Variants in ZNF654 observed in about 807,000 individuals in gnomAD.
The protein encoded by ZNF654 is melanoma-associated antigen.
In ZNF654, 19 loss-of-function variants were observed where a neutral mutation model predicts 95.3. The ratio of observed to expected loss-of-function variants is 0.20; its 90% CI spans 0.14 to 0.29. The LOEUF (loss-of-function observed/expected upper bound fraction) is 0.29. Among genes scored for constraint, ZNF654 ranks in the 10% least tolerant of loss-of-function variants. ZNF654 has a pLI of 1.00. For synonymous variants in ZNF654, 413 were observed against 457.9 expected, an observed-to-expected ratio of 0.90 and a Z score of 1.25; for missense variants, 1,046 against 1,341.0, an observed-to-expected ratio of 0.78 and a Z score of 3.44.
At chr3:88,111,607 C>G (rs982654033) in intron 2 of ZNF654, among the ~76,000 whole-genome samples, 1 of 151,910 alleles carries the variant, frequency 6.6e-6, no homozygotes, top group Non-Finnish European at 1.5e-5. Context: ...GGTAGACATT[C>G]TGAATATTTC....
At chr3:88,094,534 T>C (rs1328465949) in intron 2 of ZNF654, among the ~76,000 whole-genome samples, 1 of 152,020 alleles carries the variant, frequency 6.6e-6, no homozygotes, top group Non-Finnish European at 1.5e-5. Context: ...TTTTGGAAAA[T>C]GGTATTTATT....
intron 2 of ZNF654, among the ~76,000 whole-genome samples, chr3:88,086,672 T>G (rs1333327480): frequency 6.6e-6 from 1 of 152,218 alleles, no homozygotes; most frequent in Non-Finnish European, 1.5e-5. Flanking sequence ...CAGATTGCCT[T>G]GGGAAGCTCT....
intron 1 of ZNF654, among the ~76,000 whole-genome samples, chr3:88,071,799 C>T (rs373759988): frequency 3.3e-5 from 5 of 151,956 alleles, no homozygotes; most frequent in Non-Finnish European, 5.9e-5. Context: ...AGTGAGACTC[C>T]GTCTCAAAAA....
chr3:88,089,603 A>G (rs1279185409), intron 2 of ZNF654, among the ~76,000 whole-genome samples: 9 of 152,190 alleles, frequency 5.9e-5, no homozygotes, highest in South Asian at 2.1e-4. Context: ...TAGATGAGCT[A>G]ATGTCATCTA....
chr3:88,139,190 T>G lies in ZNF654; in HGVS notation c.1521T>G (p.Thr507=). The change falls in exon 8 of 9, where the codon ACT becomes ACG. Residue 507 remains threonine (T), a synonymous_variant. Transcript: ENST00000636215. ...EGFDSLTDQS[T]GETDPDDVSG... is the part of the protein sequence containing the mutation. ...TTGACTCTCTTACAGATCAGAGCAC[T>G]GGAGAGACTGATCCTGATGATGTAT... 1 of 1,447,484 alleles carries G rather than the reference T, an allele frequency of 6.9e-7. No homozygotes were observed. The highest frequency in any genetic ancestry group is 9.1e-7 in the Non-Finnish European group (1 of 1,101,612). The allele number at this position is 1,447,484 out of a possible 1,614,324, so 89.7% of individuals were successfully genotyped here.
intron 1 of ZNF654, among the ~76,000 whole-genome samples, chr3:88,076,311 C>T (rs1707798289): frequency 6.6e-6 from 1 of 152,114 alleles, no homozygotes; most frequent in African/African-American, 2.4e-5. Flanking sequence ...ACCTTCTGTC[C>T]CTCAGTTAGG....
chr3:88,127,913 T>G (rs1275465269), intron 4 of ZNF654, among the ~76,000 whole-genome samples: 2 of 152,206 alleles, frequency 1.3e-5, no homozygotes, highest in African/African-American at 4.8e-5. Flanking sequence ...AGTGTTTGCA[T>G]ATCATATATT....
rs1215700430 is a variant in ZNF654 at position 88,126,267 on chromosome 3, T to C, written c.548T>C (p.Ile183Thr). ...AAAGCTCAGCCAGCATCTCAGGAGA[T>C]AGGTACTTCAGGAGATTCAAAATCA... is the stretch of plus-strand genomic sequence containing the variant. ...VLKAQPASQE[I>T]VNKYLSSENP... The change falls in exon 4 of 9, where the codon ATA (isoleucine) becomes ACA (threonine). Residue 183 changes from isoleucine (I) to threonine (T), a missense_variant and splice_region_variant. This residue lies in a region of ZNF654 where 91 missense variants were observed against 190.5 expected (regional missense o/e 0.48). Transcript: ENST00000636215. The C allele has an allele frequency of 2.0e-6, 3 of 1,506,200 alleles. No homozygotes were observed. Among genetic ancestry groups the C allele is most frequent in the Admixed American group, 2.1e-5 (1 of 46,716 alleles). 93.3% of individuals were successfully genotyped at this position (1,506,200 alleles called of 1,614,324 possible).
At chr3:88,067,916 C>G (rs2107603656) in intron 1 of ZNF654, among the ~76,000 whole-genome samples, 1 of 149,866 alleles carries the variant, frequency 6.7e-6, no homozygotes, top group South Asian at 2.1e-4. Context: ...TTGGTGTGAA[C>G]TGTGTACACT....
chr3:88,118,562 A>G (rs1254339132), intron 3 of ZNF654, among the ~76,000 whole-genome samples: 1 of 152,148 alleles, frequency 6.6e-6, no homozygotes, highest in Non-Finnish European at 1.5e-5. Flanking sequence ...TTTCCACTAA[A>G]ACCTCAAAAC....
Position 88,131,265 on chromosome 3 carries a change from C to A in ZNF654, c.893+1439C>A, listed in dbSNP as rs540359947. Among the ~76,000 whole-genome samples, 15 of 152,292 alleles carry A rather than the reference C, an allele frequency of 9.8e-5. No individual in the cohort carries two copies. In the East Asian group the frequency reaches 2.5e-3, roughly 25 times the overall value. ...AAAATGATATTATAATCTTGTGTGA[C>A]CACTGTTGTATACGCAGTCTTCTGT... On this transcript the variant is annotated intron_variant, in intron 6 of 8. Coordinates refer to ENST00000636215, the MANE Select transcript of ZNF654 (RefSeq NM_001350134.2).
chr3:88,059,472 C>T lies in ZNF654; in HGVS notation c.153C>T (p.Ile51=), dbSNP rs1413652679. Residue 51 remains isoleucine, a synonymous_variant, in exon 1 of 9, where the codon ATC becomes ATT. Transcript: ENST00000636215. ...GCAACTGCGGCGGCGGCGTCGGAAT[C>T]AGCAGTCGGGATTACTGCCGACGCT... ...GSGNCGGGVG[I]SSRDYCRRFC... 5.3e-6 allele frequency: 8 copies of T among 1,518,036 alleles called. No individual in the cohort carries two copies. In the Admixed American group the frequency reaches 8.6e-5, roughly 16 times the overall value. 94.0% of individuals were successfully genotyped at this position (1,518,036 alleles called of 1,614,324 possible).
At chr3:88,080,640 C>T (rs1484616641) in intron 1 of ZNF654, among the ~76,000 whole-genome samples, 2 of 152,028 alleles carry the variant, frequency 1.3e-5, no homozygotes, top group Admixed American at 1.3e-4. Flanking sequence ...GCCAATTTAC[C>T]TGCTTTATTT....
intron 2 of ZNF654, among the ~76,000 whole-genome samples, chr3:88,091,463 C>G (rs1183027177): frequency 6.6e-6 from 1 of 151,178 alleles, no homozygotes. Flanking sequence ...GGAATTTTTT[C>G]CCTCTTTCAT....
intron 1 of ZNF654, among the ~76,000 whole-genome samples, chr3:88,077,762 G>A (rs1312084510): frequency 6.6e-6 from 1 of 152,136 alleles, no homozygotes; most frequent in African/African-American, 2.4e-5. Context: ...AGTCACAACT[G>A]ATTTTAAATA....
chr3:88,123,445 T>C (rs923560800), intron 3 of ZNF654, among the ~76,000 whole-genome samples: 2 of 152,304 alleles, frequency 1.3e-5, no homozygotes, highest in African/African-American at 4.8e-5. Context: ...CATAATGTAA[T>C]CATTTATGGG....
At chr3:88,116,482 C>T (rs1191441811) in intron 3 of ZNF654, among the ~76,000 whole-genome samples, 3 of 151,764 alleles carry the variant, frequency 2.0e-5, no homozygotes, top group Non-Finnish European at 4.4e-5. Context: ...ATCACACCAT[C>T]GCACTCCATC....
At chr3:88,061,676 A>G (rs988828236) in intron 1 of ZNF654, among the ~76,000 whole-genome samples, 2 of 152,186 alleles carry the variant, frequency 1.3e-5, no homozygotes, top group African/African-American at 4.8e-5. Flanking sequence ...ATAAAATTCT[A>G]CCATAGTAAT....
chr3:88,116,819 G>A (rs1237432211), intron 3 of ZNF654, among the ~76,000 whole-genome samples: 1 of 152,066 alleles, frequency 6.6e-6, no homozygotes, highest in African/African-American at 2.4e-5. Flanking sequence ...TTAAACTGTA[G>A]TACATGTAAA....
Sources: gnomAD v4.1 joint callset for allele counts (sites outside exome capture counted in the v4.1 genomes callset) on GRCh38, gnomAD v4.1.1 for gene constraint, gnomAD v4.1.1 regional missense constraint, MANE v1.5 for transcripts, NCBI Gene and HGNC (gene_info 2026-07-23, HGNC 2026-07-21) for gene names.